Variants in TBX20 observed in about 807,000 individuals in gnomAD.
TBX20 encodes the protein T-box transcription factor TBX20.
Under a neutral mutation model 42.9 loss-of-function variants are expected in TBX20, and 8 were observed. That is an observed-to-expected ratio of 0.19 (90% CI 0.11 to 0.34). The LOEUF (loss-of-function observed/expected upper bound fraction) is 0.34. TBX20 is among the 10% of genes least tolerant of loss of function. The pLI, the probability that TBX20 is intolerant of heterozygous loss-of-function variation, is 1.00. For synonymous variants in TBX20, 198 were observed against 222.8 expected (o/e 0.89, Z 0.99); for missense variants, 411 against 566.0 (o/e 0.73, Z 2.78).
intron 4 of TBX20, among the ~76,000 whole-genome samples, chr7:35,242,631 T>C (rs1790105113): frequency 6.6e-6 from 1 of 152,264 alleles, no homozygotes; most frequent in East Asian, 1.9e-4. Context: ...AAGCTGCTTC[T>C]TTCCCCACTT....
At chr7:35,237,967 G>C (rs1275077745) in intron 5 of TBX20, among the ~76,000 whole-genome samples, 2 of 152,064 alleles carry the variant, frequency 1.3e-5, no homozygotes, top group African/African-American at 4.8e-5. Flanking sequence ...GCTTCTTTGG[G>C]AACAGCAGGC....
In TBX20 at chr7:35,202,515, C is replaced by T. The variant is rs745523991; in HGVS notation, c.1259G>A (p.Arg420Gln). Residue 420 changes from arginine to glutamine, a missense_variant, in exon 8 of 8, where the codon CGA becomes CAA. Transcript: ENST00000408931. ...CCCCTGCTGAAAATAGTGATGGTATCGCGGCATGTGGAATGAAGGGAATGT... is the reference window on the plus strand; with the variant it reads ...CCCCTGCTGAAAATAGTGATGGTATTGCGGCATGTGGAATGAAGGGAATGT... ...GPTFPSFHMP[R>Q]YHHYFQQGPY... 45 of 1,610,710 alleles carry T rather than the reference C, an allele frequency of 2.8e-5. No individual in the cohort carries two copies. The highest frequency in any genetic ancestry group is 3.1e-5 in the Non-Finnish European group (37 of 1,178,602).
chr7:35,248,958 A>T, intron 2 of TBX20, 117 bp from the exon 3 acceptor site: 1 of 1,208,312 alleles, frequency 8.3e-7, no homozygotes, highest in Non-Finnish European at 1.2e-6. Flanking sequence ...TCCCCTCTCT[A>T]TCCGGTCCAC....
intron 6 of TBX20, among the ~76,000 whole-genome samples, chr7:35,211,648 G>A (rs1789497838): frequency 6.6e-6 from 1 of 152,040 alleles, no homozygotes; most frequent in Non-Finnish European, 1.5e-5. Context: ...TGTTATATCT[G>A]GACTTAGACA....
chr7:35,233,792 TTTATA>T (rs1466973280), intron 5 of TBX20, among the ~76,000 whole-genome samples: 1 of 152,262 alleles, frequency 6.6e-6, no homozygotes, highest in East Asian at 1.9e-4. Flanking sequence ...TCTGCAGTAC[TTTATA>T]GTTCATTAAT....
chr7:35,249,893 T>A lies in TBX20; in HGVS notation c.380+58A>T. On this transcript the variant is annotated intron_variant, in intron 2 of 7. Coordinates refer to ENST00000408931, the MANE Select transcript of TBX20 (RefSeq NM_001077653.2). This position sits in a 1 kb window ranked among gnomAD's most constrained non-coding sequence, Gnocchi z 4.3. ...TCTAGTTCCTGGAAGCACCCTCAAC[T>A]ACCCAGGGAGTGTCCTGACTCTCCA... The A allele has an allele frequency of 6.5e-7, 1 of 1,539,806 alleles. No individual in the cohort carries two copies. The highest frequency in any genetic ancestry group is 1.3e-5 in the South Asian group (1 of 79,250).
At position 35,253,448 on chromosome 7, in the gene TBX20, C is replaced by A. The variant is rs370555343; in HGVS notation, c.127+46G>T. The A allele has an allele frequency of 1.6e-5, 26 of 1,585,732 alleles. No homozygotes were observed. In the African/African-American group the frequency reaches 2.2e-4, roughly 13 times the overall value. ...CTGCAGCCAGGGGCACAGACGGATG[C>A]GCAGCATCCCCAGTCCTCGGCGGAC... On this transcript the variant is annotated intron_variant, in intron 1 of 7. Coordinates refer to ENST00000408931, the MANE Select transcript of TBX20 (RefSeq NM_001077653.2).
At chr7:35,212,059 A>C (rs1392957587) in intron 6 of TBX20, among the ~76,000 whole-genome samples, 2 of 152,052 alleles carry the variant, frequency 1.3e-5, no homozygotes, top group Non-Finnish European at 2.9e-5. Context: ...AATTACACAG[A>C]TATTAGGCCA....
At chr7:35,223,162 G>GCTGCTCATA (rs1789712142) in intron 6 of TBX20, among the ~76,000 whole-genome samples, 3 of 152,136 alleles carry the variant, frequency 2.0e-5, no homozygotes, top group African/African-American at 7.2e-5. Flanking sequence ...AGTCAAAGAT[G>GCTGCTCATA]ACTACAAGTT....
chr7:35,203,325 CACT>C (rs779584661), intron 7 of TBX20, among the ~76,000 whole-genome samples: 2 of 151,986 alleles, frequency 1.3e-5, no homozygotes, highest in Non-Finnish European at 2.9e-5. Flanking sequence ...AGATATTTTT[CACT>C]ACAATTTACA....
chr7:35,247,427 T>C (rs987256817), intron 3 of TBX20, among the ~76,000 whole-genome samples: 8 of 152,152 alleles, frequency 5.3e-5, no homozygotes, highest in Non-Finnish European at 8.8e-5. Flanking sequence ...TTATTTAATA[T>C]ACTGATTTGA....
chr7:35,233,831 C>T (rs566630960), intron 5 of TBX20, among the ~76,000 whole-genome samples: 1 of 152,276 alleles, frequency 6.6e-6, no homozygotes, highest in African/African-American at 2.4e-5. Flanking sequence ...AATTCATCAG[C>T]AAATAATGAG....
intron 6 of TBX20, among the ~76,000 whole-genome samples, chr7:35,209,929 G>A (rs1048679687): frequency 1.3e-5 from 2 of 152,068 alleles, no homozygotes; most frequent in African/African-American, 4.8e-5. Context: ...TTAGACATGT[G>A]TTATTTGACT....
At chr7:35,236,613 T>C (rs1163436077) in intron 5 of TBX20, among the ~76,000 whole-genome samples, 1 of 152,174 alleles carries the variant, frequency 6.6e-6, no homozygotes, top group Non-Finnish European at 1.5e-5. Context: ...GGAATTTTGA[T>C]TGGTCTTATG....
chr7:35,244,816 C>T, intron 4 of TBX20, 133 bp downstream of exon 4: 1 of 691,866 alleles, frequency 1.4e-6, no homozygotes, highest in Non-Finnish European at 2.7e-6. Flanking sequence ...CATAAATGTT[C>T]CCATAAAATG....
Position 35,232,710 on chromosome 7 carries a change from A to G in TBX20, c.814-1130T>C, listed in dbSNP as rs1789890383. On this transcript the variant is annotated intron_variant, in intron 5 of 7. Coordinates refer to ENST00000408931, the MANE Select transcript of TBX20 (RefSeq NM_001077653.2). ...CTTCTTTCAAAGTAAGGAATACACA[A>G]TCAAAACAGATAGTTTGAAATACTC... Among the ~76,000 whole-genome samples the G allele has an allele frequency of 2.0e-5, 3 of 152,244 alleles. No homozygotes were observed. The South Asian group carries it at 6.2e-4, about 31-fold the overall frequency.
intron 6 of TBX20, among the ~76,000 whole-genome samples, chr7:35,223,490 A>C (rs1344837689): frequency 6.6e-6 from 1 of 152,186 alleles, no homozygotes; most frequent in Non-Finnish European, 1.5e-5. Flanking sequence ...CATGGTGTTT[A>C]CAGATGAATG....
At chr7:35,210,012 C>T (rs1340819191) in intron 6 of TBX20, among the ~76,000 whole-genome samples, 1 of 152,116 alleles carries the variant, frequency 6.6e-6, no homozygotes, top group East Asian at 1.9e-4. Flanking sequence ...GGTCAGAGAG[C>T]CCACTTTGTA....
intron 6 of TBX20, among the ~76,000 whole-genome samples, chr7:35,220,486 G>A (rs1789662893): frequency 2.0e-5 from 3 of 152,200 alleles, no homozygotes; most frequent in Non-Finnish European, 4.4e-5. Context: ...CCACATCAAT[G>A]CCAGGTCAAC....
Sources: gnomAD v4.1 joint callset for allele counts (sites outside exome capture counted in the v4.1 genomes callset) on GRCh38, gnomAD v4.1.1 for gene constraint, Gnocchi (gnomAD v3.1) non-coding constraint, MANE v1.5 for transcripts, NCBI Gene and HGNC (gene_info 2026-07-23, HGNC 2026-07-21) for gene names.